Variants in ANO1 observed in about 807,000 individuals in gnomAD.
ANO1 encodes the protein anoctamin-1.
Under a neutral mutation model 124.0 loss-of-function variants are expected in ANO1, and 59 were observed. The ratio of observed to expected loss-of-function variants is 0.48; its 90% CI spans 0.39 to 0.59. ANO1 has a LOEUF of 0.59. ANO1 is among the 20% of genes least tolerant of loss of function. ANO1 has a pLI of 0.00. For synonymous variants in ANO1, 529 were observed against 532.0 expected, an observed-to-expected ratio of 0.99 and a Z score of 0.08; for missense variants, 1,059 against 1,328.0, an observed-to-expected ratio of 0.80 and a Z score of 3.15.
At chr11:69,966,977 T>C in the ANO1 span, among the ~76,000 whole-genome samples, 2 of 152,110 alleles carry the variant, frequency 1.3e-5, no homozygotes, top group African/African-American at 4.8e-5. Context: ...GGACAATTCT[T>C]CATCTTAGGG....
At chr11:70,042,393 C>T (rs1293570604) in intron 1 of ANO1, among the ~76,000 whole-genome samples, 4 of 152,092 alleles carry the variant, frequency 2.6e-5, no homozygotes, top group Non-Finnish European at 5.9e-5. Context: ...GTATTGAAGA[C>T]AAAAAGATTA....
At chr11:70,042,470 A>G (rs1857197755) in intron 1 of ANO1, among the ~76,000 whole-genome samples, 2 of 151,992 alleles carry the variant, frequency 1.3e-5, no homozygotes, top group African/African-American at 2.4e-5. Flanking sequence ...TGTTGCATTC[A>G]TGCATGCGTG....
At chr11:69,981,878 T>C (rs1334089874), upstream of ANO1, among the ~76,000 whole-genome samples, 5 of 152,250 alleles carry the variant, frequency 3.3e-5, no homozygotes, top group African/African-American at 1.2e-4. Flanking sequence ...GCGATTCTGA[T>C]ACATGCTATA....
chr11:70,157,472 G>A (rs888092047), intron 16 of ANO1, among the ~76,000 whole-genome samples: 5 of 151,874 alleles, frequency 3.3e-5, no homozygotes, highest in Non-Finnish European at 7.4e-5. Context: ...CATCTCCTCA[G>A]GGCAGTGGGT....
intron 1 of ANO1, among the ~76,000 whole-genome samples, chr11:70,083,763 C>G (rs1176329688): frequency 6.6e-6 from 1 of 152,172 alleles, no homozygotes; most frequent in African/African-American, 2.4e-5. Context: ...GTACTGAGGT[C>G]AGGTTGGAGC....
intron 2 of ANO1, among the ~76,000 whole-genome samples, chr11:70,100,671 G>A (rs529074048): frequency 1.1e-4 from 17 of 152,318 alleles, no homozygotes; most frequent in East Asian, 7.7e-4. Context: ...CATGGCACAC[G>A]CCTCAGGGCC....
intron 1 of ANO1, among the ~76,000 whole-genome samples, chr11:70,068,860 A>G (rs1241633656): frequency 6.6e-6 from 1 of 152,102 alleles, no homozygotes; most frequent in East Asian, 1.9e-4. Context: ...AGGCTGTGAC[A>G]GGCAGCAGTA....
In ANO1 at chr11:70,163,684, C is replaced by A. The variant is rs544863548; in HGVS notation, c.1950+344C>A. 3 of 536,250 alleles carry A rather than the reference C, an allele frequency of 5.6e-6. No homozygotes were observed. In the East Asian group the frequency reaches 9.6e-5, roughly 17 times the overall value. 33.2% of individuals were successfully genotyped at this position (536,250 alleles called of 1,614,324 possible). A position where few individuals can be genotyped will look rare whatever the true frequency, so the allele number is the denominator to read the frequency against. On this transcript the variant is annotated intron_variant, in intron 19 of 25. Coordinates refer to ENST00000355303, the MANE Select transcript of ANO1 (RefSeq NM_018043.7). ...GGGTGCAGTGGCTCATGCCTGTAAT[C>A]CCAGCACTTTGGGAGGCCGAGACTC...
chr11:70,105,595 A>G, intron 4 of ANO1, 139 bp from the exon 5 acceptor site: 2 of 768,644 alleles, frequency 2.6e-6, no homozygotes, highest in South Asian at 1.7e-5. Flanking sequence ...CGGACGGGTC[A>G]TACCTGGCGT....
At chr11:70,143,078 G>T (rs1333354055) in intron 11 of ANO1, among the ~76,000 whole-genome samples, 1 of 152,176 alleles carries the variant, frequency 6.6e-6, no homozygotes, top group Non-Finnish European at 1.5e-5. Flanking sequence ...GTCCAAGCAG[G>T]ATGCACCCCT....
At chr11:70,108,006 C>A (rs1281398015) in intron 5 of ANO1, among the ~76,000 whole-genome samples, 1 of 152,242 alleles carries the variant, frequency 6.6e-6, no homozygotes, top group Non-Finnish European at 1.5e-5. Flanking sequence ...ATCCACCAGG[C>A]AGGGTACGTG....
Position 70,010,179 on chromosome 11 carries a change from G to GTGTGTGTATATATATATATATATATA in ANO1, c.58+24014_58+24015insGTGTGTATATATATATATATATATAT. ...TGTGTGTGTGTGCGCGTGTGTGTGT[G>GTGTGTGTATATATATATATATATATA]TATATATATATATATATATCACATT... On this transcript the variant is annotated intron_variant, in intron 1 of 27. Transcript: ENST00000531349. Among the ~76,000 whole-genome samples the GTGTGTGTATATATATATATATATATA allele has an allele frequency of 2.1e-3, 179 of 83,760 alleles. 9 individuals carry two copies. The highest frequency in any genetic ancestry group is 2.5e-3 in the Admixed American group (20 of 7,932). 54.9% of individuals were successfully genotyped at this position (83,760 alleles called of 152,430 possible).
intron 14 of ANO1, among the ~76,000 whole-genome samples, chr11:70,154,460 CTTTTTTT>C (rs35077245): frequency 1.2e-5 from 1 of 84,262 alleles, no homozygotes; most frequent in Non-Finnish European, 2.2e-5. Context: ...GGAAGTATGT[CTTTTTTT>C]TTTTTTTTTT....
chr11:70,039,116 A>G (rs1039852133), intron 1 of ANO1, among the ~76,000 whole-genome samples: 1 of 152,180 alleles, frequency 6.6e-6, no homozygotes, highest in Non-Finnish European at 1.5e-5. Context: ...CTGCTGGGAA[A>G]GGTTTTCATC....
At chr11:70,163,413 G>T in intron 19 of ANO1, 73 bp downstream of exon 19, 1 of 1,542,254 alleles carries the variant, frequency 6.5e-7, no homozygotes. Context: ...ATGCACTTGG[G>T]AGAAGCAGCT....
intron 8 of ANO1, among the ~76,000 whole-genome samples, chr11:70,119,160 TTAA>T (rs1040316348): frequency 6.9e-6 from 1 of 144,710 alleles, no homozygotes; most frequent in African/African-American, 2.6e-5. Flanking sequence ...GCTGGAGGAA[TTAA>T]TGATGGATGA....
At chr11:70,095,398 GAA>G (rs1340182563) in intron 2 of ANO1, among the ~76,000 whole-genome samples, 6 of 45,210 alleles carry the variant, frequency 1.3e-4, no homozygotes, top group African/African-American at 3.5e-4. Flanking sequence ...AAGAAAGAAA[GAA>G]AGAAAGAAAG....
intron 10 of ANO1, among the ~76,000 whole-genome samples, chr11:70,126,675 G>T (rs2135495636): frequency 6.6e-6 from 1 of 151,890 alleles, no homozygotes; most frequent in African/African-American, 2.4e-5. Context: ...TTCGGTGCAG[G>T]CTGGTACTTG....
chr11:70,002,338 C>G (rs1160050125), intron 1 of ANO1, among the ~76,000 whole-genome samples: 4 of 151,676 alleles, frequency 2.6e-5, no homozygotes, highest in Non-Finnish European at 5.9e-5. Flanking sequence ...GTGGCATGTG[C>G]CTGTAGTCCC....
Sources: allele counts gnomAD v4.1 joint callset (sites outside exome capture counted in the v4.1 genomes callset), GRCh38; gene constraint gnomAD v4.1.1; transcripts MANE v1.5; gene names NCBI Gene and HGNC (gene_info 2026-07-23, HGNC 2026-07-21).